Variants in HS3ST5 observed in about 807,000 individuals in gnomAD.
HS3ST5 encodes the protein heparan sulfate glucosamine 3-O-sulfotransferase 5.
In HS3ST5, 10 loss-of-function variants were observed where a neutral mutation model predicts 25.4. The ratio of observed to expected loss-of-function variants is 0.39; its 90% CI spans 0.24 to 0.67. The LOEUF is 0.67. HS3ST5 is among the 30% of genes least tolerant of loss of function. HS3ST5 has a pLI of 0.44. For missense variants in HS3ST5, 324 were observed against 420.7 expected, an observed-to-expected ratio of 0.77 and a Z score of 2.01; for synonymous variants, 170 against 162.4, an observed-to-expected ratio of 1.05 and a Z score of -0.36.
At chr6:114,186,687 T>C (rs1343691120) in intron 2 of HS3ST5, among the ~76,000 whole-genome samples, 1 of 152,206 alleles carries the variant, frequency 6.6e-6, no homozygotes, top group African/African-American at 2.4e-5. Flanking sequence ...GTAGCTATGC[T>C]AAACAATAAA....
At position 114,057,444 on chromosome 6, in the gene HS3ST5, T is replaced by G; in HGVS notation, c.854A>C (p.Tyr285Ser). The G allele has an allele frequency of 6.2e-7, 1 of 1,614,148 alleles. No individual in the cohort carries two copies. The highest frequency in any genetic ancestry group is 8.5e-7 in the Non-Finnish European group (1 of 1,180,014). ...LPPRISQYNL[Y>S]FNATRGFYCL... ...GTAAAACCCTCTGGTAGCATTGAAG[T>G]ATAAATTGTATTGACTTATCCTTGG... Residue 285 changes from tyrosine to serine, a missense_variant, in exon 5 of 5, where the codon TAC becomes TCC. Around this residue, in one of 2 missense-constraint regions of HS3ST5, gnomAD observed 203 missense variants for 303.4 expected, o/e 0.67. Transcript: ENST00000312719.
At chr6:114,091,739 G>A (rs746676993) in intron 3 of HS3ST5, among the ~76,000 whole-genome samples, 3 of 152,140 alleles carry the variant, frequency 2.0e-5, no homozygotes, top group Non-Finnish European at 4.4e-5. Flanking sequence ...AAGCCACCAT[G>A]TTTTGGCCTT....
intron 3 of HS3ST5, among the ~76,000 whole-genome samples, chr6:114,138,685 C>A (rs899338151): frequency 2.0e-5 from 3 of 152,208 alleles, no homozygotes; most frequent in African/African-American, 7.2e-5. Flanking sequence ...TTATGGCAAA[C>A]ATTTCTTCAA....
intron 1 of HS3ST5, among the ~76,000 whole-genome samples, chr6:114,341,874 T>G (rs1297620365): frequency 6.6e-6 from 1 of 151,892 alleles, no homozygotes; most frequent in Admixed American, 6.6e-5. Flanking sequence ...CCTTTCTCCC[T>G]CAAAGAGAGC....
intron 3 of HS3ST5, among the ~76,000 whole-genome samples, chr6:114,136,004 A>T (rs960227212): frequency 6.6e-6 from 1 of 152,216 alleles, no homozygotes; most frequent in African/African-American, 2.4e-5. Context: ...GTTCTGCTTT[A>T]TGTCTAGCAC....
At chr6:114,277,460 C>T (rs1363352568) in intron 1 of HS3ST5, among the ~76,000 whole-genome samples, 1 of 148,520 alleles carries the variant, frequency 6.7e-6, no homozygotes, top group East Asian at 2.1e-4. Flanking sequence ...TACTTTTGCA[C>T]CAACCTAATA....
intron 1 of HS3ST5, among the ~76,000 whole-genome samples, chr6:114,279,121 T>C (rs973521428): frequency 6.6e-6 from 1 of 152,036 alleles, no homozygotes; most frequent in African/African-American, 2.4e-5. Context: ...ATGTTAAAAC[T>C]TCAGGAATAT....
chr6:114,188,151 C>G (rs1014067732), intron 2 of HS3ST5, among the ~76,000 whole-genome samples: 1 of 152,062 alleles, frequency 6.6e-6, no homozygotes, highest in African/African-American at 2.4e-5. Context: ...TATGGCAGCC[C>G]GAGCTAACTA....
chr6:114,206,819 C>T (rs1462505292), intron 2 of HS3ST5, among the ~76,000 whole-genome samples: 2 of 152,102 alleles, frequency 1.3e-5, no homozygotes, highest in East Asian at 1.9e-4. Context: ...TTTATTTAAT[C>T]CTGAAAGAGG....
intron 3 of HS3ST5, among the ~76,000 whole-genome samples, chr6:114,142,138 C>T (rs892493645): frequency 1.3e-5 from 2 of 151,968 alleles, no homozygotes; most frequent in African/African-American, 2.4e-5. Context: ...CTTTATCATC[C>T]CTATTTCTTA....
At chr6:114,142,079 T>A (rs1777936427) in intron 3 of HS3ST5, among the ~76,000 whole-genome samples, 2 of 152,126 alleles carry the variant, frequency 1.3e-5, no homozygotes, top group Non-Finnish European at 1.5e-5. Flanking sequence ...CTTCTCTCTC[T>A]CACAAAATAA....
At chr6:114,221,629 T>C (rs1782044821) in intron 2 of HS3ST5, among the ~76,000 whole-genome samples, 1 of 151,484 alleles carries the variant, frequency 6.6e-6, no homozygotes. Context: ...TTTAAAAAGA[T>C]ACATAAAATA....
chr6:114,236,227 A>C (rs970944485), intron 1 of HS3ST5, among the ~76,000 whole-genome samples: 1 of 152,178 alleles, frequency 6.6e-6, no homozygotes, highest in Non-Finnish European at 1.5e-5. Flanking sequence ...GCCATTTATG[A>C]ATTTCTCTAT....
Position 114,080,019 on chromosome 6 carries a change from C to A in HS3ST5, c.-32-17142G>T, listed in dbSNP as rs182167602. ...CTTGAACTTCCGACCTTAGGTGATC[C>A]GCCCGCCCCAGCCTTCCAAAGTGCT... is the stretch of plus-strand genomic sequence containing the variant. On this transcript the variant is annotated intron_variant, in intron 3 of 4. Coordinates refer to ENST00000312719, the MANE Select transcript of HS3ST5 (RefSeq NM_153612.4). Among the ~76,000 whole-genome samples the A allele has an allele frequency of 3.3e-5, 5 of 152,118 alleles. No homozygotes were observed. In the East Asian group the frequency reaches 7.7e-4, roughly 24 times the overall value.
chr6:114,251,892 A>G (rs1210306612), intron 1 of HS3ST5: 3 of 152,214 alleles, frequency 2.0e-5, no homozygotes, highest in Admixed American at 2.0e-4. Context: ...TCTCAGTTAC[A>G]TGACAATAAA....
At position 114,180,785 on chromosome 6, in the gene HS3ST5, C is replaced by G. The variant is rs11153470; in HGVS notation, c.-144-12323G>C. Among the ~76,000 whole-genome samples the G allele has an allele frequency of 8.6e-3, 1,309 of 152,292 alleles. 8 individuals are homozygous for G. Among genetic ancestry groups the G allele is most frequent in the Non-Finnish European group, 0.014 (929 of 68,012 alleles). Reference sequence around the variant, plus strand: ...GACTTCATTGAACCTTAATTACTTCCTAAAAGCTCTATCTCCAAATACATT... The same window carrying G: ...GACTTCATTGAACCTTAATTACTTCGTAAAAGCTCTATCTCCAAATACATT... On this transcript the variant is annotated intron_variant, in intron 2 of 4. Coordinates refer to ENST00000312719, the MANE Select transcript of HS3ST5 (RefSeq NM_153612.4).
At position 114,143,589 on chromosome 6, in the gene HS3ST5, G is replaced by A. The variant is rs568184856; in HGVS notation, c.-33+24762C>T. 4 of 152,266 alleles carry A rather than the reference G, an allele frequency of 2.6e-5. No individual in the cohort carries two copies. The South Asian group carries it at 8.3e-4, about 32-fold the overall frequency. 9.4% of individuals were successfully genotyped at this position (152,266 alleles called of 1,614,324 possible). A position where few individuals can be genotyped will look rare whatever the true frequency, so the allele number is the denominator to read the frequency against. ...GCGCCAAGGAGGATCATGAACGGAGGGATCTCACACATGATTTTCTTGATA... is the reference window on the plus strand; with the variant it reads ...GCGCCAAGGAGGATCATGAACGGAGAGATCTCACACATGATTTTCTTGATA... On this transcript the variant is annotated intron_variant, in intron 3 of 4. Transcript: ENST00000312719.
At chr6:114,314,772 A>T (rs890003568) in intron 1 of HS3ST5, among the ~76,000 whole-genome samples, 1 of 152,222 alleles carries the variant, frequency 6.6e-6, no homozygotes, top group Non-Finnish European at 1.5e-5. Context: ...TGTTTTCTTC[A>T]TAGATAAACA....
At chr6:114,213,919 C>A (rs550848873) in intron 2 of HS3ST5, among the ~76,000 whole-genome samples, 6 of 152,164 alleles carry the variant, frequency 3.9e-5, no homozygotes, top group Non-Finnish European at 7.4e-5. Flanking sequence ...TAAATTGTAT[C>A]TTAAGTTCTT....
Sources: allele counts gnomAD v4.1 joint callset (sites outside exome capture counted in the v4.1 genomes callset), GRCh38; gene constraint gnomAD v4.1.1; regional missense constraint gnomAD v4.1.1; transcripts MANE v1.5; gene names NCBI Gene and HGNC (gene_info 2026-07-23, HGNC 2026-07-21).